The following CACNA1H variants were observed in gnomAD, a reference collection of about 807,000 sequenced individuals.
The protein encoded by CACNA1H is calcium voltage-gated channel subunit alpha1 H.
CACNA1H carries 149 observed loss-of-function variants against 192.5 expected under a neutral mutation model. The observed-to-expected ratio is 0.77, with a 90% CI of 0.68 to 0.89. CACNA1H has a LOEUF of 0.89. Ranked by LOEUF, CACNA1H falls within the 40% of genes least tolerant of loss-of-function variation. The probability of loss-of-function intolerance (pLI) is 0.00; values close to 1 mark genes in which losing one functional copy is unlikely to be tolerated. For missense variants in CACNA1H, 4,257 were observed against 3,423.5 expected (o/e 1.24, Z -6.08); for synonymous variants, 2,202 against 1,475.2 (o/e 1.49, Z -11.29).
At chr16:1,186,684 G>A (rs556269788) in intron 2 of CACNA1H, among the ~76,000 whole-genome samples, 37 of 152,138 alleles carry the variant, frequency 2.4e-4, no homozygotes, top group African/African-American at 7.2e-4. Context: ...GACCTGGCTC[G>A]GTCCCGATGC....
In CACNA1H at chr16:1,205,957, C is replaced by A. The variant is rs1968650841; in HGVS notation, c.2604-147C>A. The stretch of plus-strand genomic sequence containing the variant: ...TGAGGTGCTTCCGCAGCTGTTCATG[C>A]ACCTTGATGCAGCCATACCCTCTCC... On this transcript the variant is annotated intron_variant, in intron 11 of 34. Coordinates refer to ENST00000348261, the MANE Select transcript of CACNA1H (RefSeq NM_021098.3). 3 of 730,476 alleles carry A rather than the reference C, an allele frequency of 4.1e-6. No homozygotes were observed. The African/African-American group carries it at 5.3e-5, about 13-fold the overall frequency. 45.2% of individuals were successfully genotyped at this position (730,476 alleles called of 1,614,324 possible). A position where few individuals can be genotyped will look rare whatever the true frequency, so the allele number is the denominator to read the frequency against.
intron 32 of CACNA1H, 82 bp from the exon 33 acceptor site, chr16:1,218,128 G>A (rs1025719937): frequency 1.3e-6 from 2 of 1,538,098 alleles, no homozygotes. Context: ...GTCCTTGCAG[G>A]GCAGGGGGAA....
rs778111473 is a variant in CACNA1H at position 1,202,411 on chromosome 16, C to G, written c.1961C>G (p.Pro654Arg). ...GGHGPLSLNS[P>R]DPYEKIPHVV... ...CACGGCCCGTTGAGCTTGAACAGCC[C>G]TGATCCCTACGAGAAGATCCCGCAT... Residue 654 changes from proline (P) to arginine (R), a missense_variant, in exon 9 of 35, where the codon CCT becomes CGT. Pro to Arg is a moderately radical substitution (Grantham distance 103). Transcript: ENST00000348261. The G allele has an allele frequency of 7.2e-6, 11 of 1,527,242 alleles. No individual in the cohort carries two copies. The African/African-American group carries it at 1.2e-4, about 17-fold the overall frequency. The allele number at this position is 1,527,242 out of a possible 1,614,324, so 94.6% of individuals were successfully genotyped here.
intron 22 of CACNA1H, 54 bp downstream of exon 22, chr16:1,211,348 T>C: frequency 6.2e-7 from 1 of 1,609,152 alleles, no homozygotes; most frequent in South Asian, 1.1e-5. Flanking sequence ...AGGGTCTGCC[T>C]TCCCAGCGTG....
At chr16:1,179,294 C>T (rs912945315) in intron 2 of CACNA1H, among the ~76,000 whole-genome samples, 19 of 151,862 alleles carry the variant, frequency 1.3e-4, no homozygotes, top group African/African-American at 4.1e-4. Flanking sequence ...AGTTGGGGGT[C>T]CCTGACCTCA....
intron 27 of CACNA1H, among the ~76,000 whole-genome samples, chr16:1,214,407 TGG>T (rs1335221622): frequency 6.6e-6 from 1 of 152,214 alleles, no homozygotes; most frequent in African/African-American, 2.4e-5. Context: ...GCGTTTTGTG[TGG>T]AGCCGAGGAT....
At chr16:1,191,004 G>T (rs1326332966) in intron 2 of CACNA1H, among the ~76,000 whole-genome samples, 1 of 149,462 alleles carries the variant, frequency 6.7e-6, no homozygotes, top group East Asian at 2.0e-4. Context: ...AGGCTGCCCT[G>T]GCTGTGTGGC....
chr16:1,218,467 G>A lies in CACNA1H; in HGVS notation c.5703G>A (p.Leu1901=). 6.4e-7 allele frequency: 1 copy of A among 1,551,466 alleles called. No individual in the cohort carries two copies. The highest frequency in any genetic ancestry group is 8.7e-7 in the Non-Finnish European group (1 of 1,147,772). ...GGGTGGACGCGGACAGGCCTCCCTT[G>A]CCCCAGGAGAGTCCGGGCGCCAGGG... ...ARRVDADRPP[L]PQESPGARDA... is the part of the protein sequence containing the mutation. Residue 1901 remains leucine, a synonymous_variant, in exon 33 of 35, where the codon TTG becomes TTA. Transcript: ENST00000348261.
Position 1,206,033 on chromosome 16 carries a change from G to A in CACNA1H, c.2604-71G>A, listed in dbSNP as rs576463530. 7.0e-6 allele frequency: 10 copies of A among 1,438,008 alleles called. No homozygotes were observed. In the South Asian group the frequency reaches 1.2e-4, roughly 17 times the overall value. The allele number at this position is 1,438,008 out of a possible 1,614,324, so 89.1% of individuals were successfully genotyped here. A position where few individuals can be genotyped will look rare whatever the true frequency, so the allele number is the denominator to read the frequency against. On this transcript the variant is annotated intron_variant, in intron 11 of 34. Transcript: ENST00000348261. ...CTGTGGCTCCCTGGCTGGTGACCCT[G>A]CTTCCAGTGGGACGAGGGCCTGGGG...
chr16:1,183,654 G>T (rs973251323), intron 2 of CACNA1H, among the ~76,000 whole-genome samples: 2 of 152,258 alleles, frequency 1.3e-5, no homozygotes, highest in African/African-American at 2.4e-5. Context: ...CTCAGGGCAG[G>T]CTCTGGAGCT....
At chr16:1,156,815 CCT>C (rs922195986) in intron 2 of CACNA1H, among the ~76,000 whole-genome samples, 3 of 152,124 alleles carry the variant, frequency 2.0e-5, no homozygotes, top group African/African-American at 7.2e-5. Flanking sequence ...CGCGTTTATC[CCT>C]GAACCTCTCC....
In CACNA1H at chr16:1,215,140, G is replaced by A. The variant is rs1187151733; in HGVS notation, c.5039+59G>A. 13 of 1,583,952 alleles carry A rather than the reference G, an allele frequency of 8.2e-6. No individual in the cohort carries two copies. In the East Asian group the frequency reaches 1.6e-4, roughly 20 times the overall value. ...GCCCCTCAGGGCTCTGGGGGCTGGG[G>A]GCAGGTGAGGCCGCAGGCTTTCCCA... On this transcript the variant is annotated intron_variant, in intron 28 of 34. Transcript: ENST00000348261.
chr16:1,184,243 C>T (rs896331408), intron 2 of CACNA1H, among the ~76,000 whole-genome samples: 5 of 152,266 alleles, frequency 3.3e-5, no homozygotes, highest in African/African-American at 1.2e-4. Flanking sequence ...GGAGCAGACC[C>T]TGGCCAAAGC....
chr16:1,156,136 C>T lies in CACNA1H; in HGVS notation c.299+2100C>T, dbSNP rs550456243. Among the ~76,000 whole-genome samples, 12 of 152,304 alleles carry T rather than the reference C, an allele frequency of 7.9e-5. No homozygotes were observed. In the South Asian group the frequency reaches 1.0e-3, roughly 13 times the overall value. On this transcript the variant is annotated intron_variant, in intron 2 of 34. Coordinates refer to ENST00000348261, the MANE Select transcript of CACNA1H (RefSeq NM_021098.3). Reference sequence around the variant, plus strand: ...TGGAGCACTGGGTCTGCCTGCGGCACGGCAGGACCCCCCACCCTCCTCGCC... The same window carrying T: ...TGGAGCACTGGGTCTGCCTGCGGCATGGCAGGACCCCCCACCCTCCTCGCC...
rs57670193 is a variant in CACNA1H at position 1,220,256 on chromosome 16, C to T, written c.6324C>T (p.Ala2108=). 8.1e-4 allele frequency: 1,278 copies of T among 1,586,856 alleles called. 25 individuals carry two copies. The East Asian group carries it at 0.027, about 34-fold the overall frequency. The change falls in exon 35 of 35, where the codon GCC becomes GCT. Residue 2108 remains alanine, a synonymous_variant. Coordinates refer to ENST00000348261, the MANE Select transcript of CACNA1H (RefSeq NM_021098.3). ...DEEVSHITSS[A]CPWQPTAEPH... ...AGGTCAGCCACATCACCAGCTCCGC[C>T]TGCCCCTGGCAGCCCACAGCCGAGC...
chr16:1,191,887 G>C (rs1486816590), intron 2 of CACNA1H, among the ~76,000 whole-genome samples: 2 of 151,866 alleles, frequency 1.3e-5, no homozygotes, highest in African/African-American at 4.9e-5. Flanking sequence ...CAGCAGGCTG[G>C]CCTGGCTGTG....
chr16:1,198,824 C>G (rs771115251), intron 6 of CACNA1H, 50 bp downstream of exon 6: 4 of 1,552,836 alleles, frequency 2.6e-6, no homozygotes, highest in African/African-American at 1.4e-5. Context: ...GCCCTGCCCA[C>G]CATGCAGATA....
rs772745734 is a variant in CACNA1H at position 1,209,056 on chromosome 16, G to A, written c.3388G>A (p.Ala1130Thr). ...PPASLRSSPC[A>T]PWGPSGAWSS... Reference sequence around the variant, plus strand: ...GGCCAGCCTCCGAAGTTCTCCCTGTGCCCCCTGGGGCCCCAGTGGCGCCTG... The same window carrying A: ...GGCCAGCCTCCGAAGTTCTCCCTGTACCCCCTGGGGCCCCAGTGGCGCCTG... The change falls in exon 17 of 35, where the codon GCC (alanine) becomes ACC (threonine). Residue 1130 changes from alanine to threonine, a missense_variant. Transcript: ENST00000348261. 1.9e-5 allele frequency: 29 copies of A among 1,529,168 alleles called. No individual in the cohort carries two copies. The highest frequency in any genetic ancestry group is 2.4e-5 in the Non-Finnish European group (28 of 1,144,082). 94.7% of individuals were successfully genotyped at this position (1,529,168 alleles called of 1,614,324 possible). A position where few individuals can be genotyped will look rare whatever the true frequency, so the allele number is the denominator to read the frequency against.
intron 2 of CACNA1H, among the ~76,000 whole-genome samples, chr16:1,155,292 C>G (rs1372830064): frequency 6.6e-6 from 1 of 152,220 alleles, no homozygotes; most frequent in African/African-American, 2.4e-5. Context: ...GCCCGGGCGG[C>G]CTAGGCCTCT....
Sources: gnomAD v4.1 joint callset for allele counts (sites outside exome capture counted in the v4.1 genomes callset) on GRCh38, gnomAD v4.1.1 for gene constraint, MANE v1.5 for transcripts, NCBI Gene and HGNC (gene_info 2026-07-23, HGNC 2026-07-21) for gene names.